CFAP54: variants seen among roughly 807,000 people sequenced by gnomAD.
The protein encoded by CFAP54 is cilia and flagella associated protein 54.
A neutral mutation model predicts 370.4 loss-of-function variants in CFAP54; 290 were observed. The observed-to-expected ratio is 0.78, with a 90% confidence interval of 0.71 to 0.86. CFAP54 has a LOEUF of 0.86. Among genes scored for constraint, CFAP54 ranks in the 40% least tolerant of loss-of-function variants. CFAP54 has a pLI of 0.00. For missense variants in CFAP54, 3,399 were observed against 3,528.7 expected, an observed-to-expected ratio of 0.96 and a Z score of 0.93; for synonymous variants, 1,206 against 1,236.5, an observed-to-expected ratio of 0.98 and a Z score of 0.52.
intron 65 of CFAP54, among the ~76,000 whole-genome samples, chr12:96,820,794 A>C (rs1035019070): frequency 6.6e-6 from 1 of 152,214 alleles, no homozygotes; most frequent in African/African-American, 2.4e-5. Context: ...TTTCAAAAAT[A>C]ATTCAGCTCT....
At chr12:96,693,700 A>G (rs577135790) in intron 44 of CFAP54, 22 bp from the exon 45 acceptor site, 3 of 1,428,378 alleles carry the variant, frequency 2.1e-6, no homozygotes, top group South Asian at 2.5e-5. Flanking sequence ...TTTTGAAACA[A>G]AGAGTGTTTT....
intron 55 of CFAP54, among the ~76,000 whole-genome samples, chr12:96,745,408 G>A (rs1210884683): frequency 1.3e-5 from 2 of 152,006 alleles, no homozygotes; most frequent in South Asian, 2.1e-4. Context: ...ATCTCATTGT[G>A]GTTTTGATTT....
intron 1 of CFAP54, among the ~76,000 whole-genome samples, chr12:96,492,894 T>C (rs1331186058): frequency 6.6e-6 from 1 of 151,816 alleles, no homozygotes; most frequent in African/African-American, 2.4e-5. Flanking sequence ...CTCAGGAGGC[T>C]GAGGCATGAG....
chr12:96,552,544 G>A lies in CFAP54; in HGVS notation c.2155-1638G>A, dbSNP rs117707959. Among the ~76,000 whole-genome samples, 316 of 152,026 alleles carry A rather than the reference G, an allele frequency of 2.1e-3. 5 individuals are homozygous for A. Among genetic ancestry groups the A allele is most frequent in the East Asian group, 0.019 (96 of 5,124 alleles). Reference sequence around the variant, plus strand: ...TTTTTTGGTAGGGACACGGTTTCACGGTTTTGGCCAGGCTGGTCTTGAACT... The same window carrying A: ...TTTTTTGGTAGGGACACGGTTTCACAGTTTTGGCCAGGCTGGTCTTGAACT... On this transcript the variant is annotated intron_variant, in intron 15 of 67. Transcript: ENST00000524981.
intron 2 of CFAP54, among the ~76,000 whole-genome samples, chr12:96,503,468 G>C (rs939899711): frequency 7.9e-6 from 1 of 126,568 alleles, no homozygotes; most frequent in Admixed American, 1.0e-4. Flanking sequence ...TCTCTCGCTC[G>C]CTCGCTCTTC....
chr12:96,772,820 A>C (rs1417402430), intron 60 of CFAP54, among the ~76,000 whole-genome samples: 2 of 152,076 alleles, frequency 1.3e-5, no homozygotes, highest in South Asian at 4.1e-4. Context: ...GGGTTTCACC[A>C]TGTTGGCCAG....
chr12:96,664,211 G>C (rs768936294), intron 39 of CFAP54, among the ~76,000 whole-genome samples: 4 of 152,048 alleles, frequency 2.6e-5, no homozygotes, highest in Admixed American at 1.3e-4. Context: ...ATGGGGGCTT[G>C]TTTTACAGAT....
rs1958372895 is a variant in CFAP54, at chr12:96,764,254, G to A, written c.8139+5G>A. The A allele has an allele frequency of 6.2e-7, 1 of 1,604,906 alleles. No individual in the cohort carries two copies. The highest frequency in any genetic ancestry group is 1.3e-5 in the African/African-American group (1 of 74,614). On this transcript the variant is annotated splice_donor_5th_base_variant and intron_variant, in intron 59 of 67. Coordinates refer to ENST00000524981, the MANE Select transcript of CFAP54 (RefSeq NM_001306084.2). ...GCAATAAGAGCTGCTGCACAGGTTG[G>A]TGTGATTTTTGTTTAATCTTTCTTC...
At chr12:96,736,624 G>C (rs977927047) in intron 50 of CFAP54, among the ~76,000 whole-genome samples, 2 of 152,108 alleles carry the variant, frequency 1.3e-5, no homozygotes, top group Non-Finnish European at 2.9e-5. Context: ...TGTCAAAAAT[G>C]GTCCAGACAT....
At chr12:96,834,890 T>G (rs1959181288) in intron 66 of CFAP54, among the ~76,000 whole-genome samples, 1 of 152,126 alleles carries the variant, frequency 6.6e-6, no homozygotes, top group Non-Finnish European at 1.5e-5. Context: ...GAAGAGGAGC[T>G]TTATTGAGCA....
At chr12:96,627,010 A>C (rs1234456115) in intron 30 of CFAP54, 71 bp downstream of exon 30, 2 of 1,131,318 alleles carry the variant, frequency 1.8e-6, no homozygotes, top group Non-Finnish European at 2.3e-6. Flanking sequence ...GTTTTAAGAA[A>C]TATAAGGTAG....
chr12:96,741,744 A>G (rs1426934098), intron 51 of CFAP54, among the ~76,000 whole-genome samples: 1 of 152,222 alleles, frequency 6.6e-6, no homozygotes, highest in Non-Finnish European at 1.5e-5. Context: ...AGCTCTGGAC[A>G]TTTGTCACCT....
intron 66 of CFAP54, among the ~76,000 whole-genome samples, chr12:96,858,777 A>G (rs998258271): frequency 2.0e-5 from 3 of 152,256 alleles, no homozygotes; most frequent in African/African-American, 7.2e-5. Context: ...TCCCATGCTC[A>G]TTGAAATGAA....
chr12:96,632,417 G>T (rs1956619152), intron 32 of CFAP54, among the ~76,000 whole-genome samples: 1 of 151,778 alleles, frequency 6.6e-6, no homozygotes, highest in Non-Finnish European at 1.5e-5. Flanking sequence ...TCATTAATTT[G>T]TTTTTGCGTA....
chr12:96,773,152 G>A (rs531024135), intron 60 of CFAP54, among the ~76,000 whole-genome samples: 1 of 152,336 alleles, frequency 6.6e-6, no homozygotes, highest in South Asian at 2.1e-4. Flanking sequence ...CAATGGGAGA[G>A]CTAAAGAAAC....
chr12:96,604,946 G>A (rs1043496046), intron 26 of CFAP54, among the ~76,000 whole-genome samples: 21 of 152,170 alleles, frequency 1.4e-4, no homozygotes, highest in African/African-American at 4.1e-4. Context: ...GTGAGGTGAC[G>A]CCCTGCCCTG....
intron 26 of CFAP54, among the ~76,000 whole-genome samples, chr12:96,620,081 A>G (rs1720827339): frequency 6.6e-6 from 1 of 152,170 alleles, no homozygotes; most frequent in Non-Finnish European, 1.5e-5. Context: ...CACAGTCACT[A>G]TTAGTTTAGT....
chr12:96,802,512 C>T (rs1324262837), intron 63 of CFAP54, among the ~76,000 whole-genome samples: 1 of 152,152 alleles, frequency 6.6e-6, no homozygotes, highest in Non-Finnish European at 1.5e-5. Context: ...AGAACACCAA[C>T]ACAGACTCCT....
At chr12:96,604,503 G>A (rs1956280520) in intron 26 of CFAP54, among the ~76,000 whole-genome samples, 1 of 152,202 alleles carries the variant, frequency 6.6e-6, no homozygotes, top group African/African-American at 2.4e-5. Context: ...TGTCAGGCAG[G>A]GACATTTAAG....
Sources: allele counts gnomAD v4.1 joint callset (sites outside exome capture counted in the v4.1 genomes callset), GRCh38; gene constraint gnomAD v4.1.1; transcripts MANE v1.5; gene names NCBI Gene and HGNC (gene_info 2026-07-23, HGNC 2026-07-21).